Variants in EXD2 observed in about 807,000 individuals in gnomAD.
EXD2 encodes the protein exonuclease 3'-5' domain containing 2.
EXD2 carries 40 observed loss-of-function variants against 62.5 expected under a neutral mutation model. The ratio of observed to expected loss-of-function variants is 0.64; its 90% CI spans 0.50 to 0.83. The LOEUF (loss-of-function observed/expected upper bound fraction) is 0.83. EXD2 is among the 40% of genes least tolerant of loss of function. The pLI is 0.00. For missense variants in EXD2, 671 were observed against 761.8 expected, an observed-to-expected ratio of 0.88 and a Z score of 1.40; for synonymous variants, 239 against 291.9, an observed-to-expected ratio of 0.82 and a Z score of 1.85.
chr14:69,200,568 G>A (rs968610095), intron 1 of EXD2, among the ~76,000 whole-genome samples: 1 of 151,846 alleles, frequency 6.6e-6, no homozygotes, highest in Non-Finnish European at 1.5e-5. Context: ...AATTACCCAG[G>A]CATCGTGGGG....
intron 3 of EXD2, among the ~76,000 whole-genome samples, chr14:69,212,699 A>ATTTCCT (rs2042849667): frequency 1.7e-5 from 1 of 57,316 alleles, no homozygotes; most frequent in Non-Finnish European, 3.0e-5. Flanking sequence ...ATGGTTCTTG[A>ATTTCCT]TTTTTTTTTT....
chr14:69,225,744 A>C (rs894316708), intron 3 of EXD2, among the ~76,000 whole-genome samples: 12 of 152,200 alleles, frequency 7.9e-5, no homozygotes, highest in African/African-American at 2.9e-4. Flanking sequence ...AAAAGACATT[A>C]GAAAGCAAAA....
Position 69,241,922 on chromosome 14 carries a change from CCTTT to C in EXD2, c.*825_*828del, listed in dbSNP as rs1264240247. The C allele has an allele frequency of 8.8e-5, 35 of 398,954 alleles. No individual in the cohort carries two copies. The South Asian group carries it at 3.6e-3, about 41-fold the overall frequency. 24.7% of individuals were successfully genotyped at this position (398,954 alleles called of 1,614,324 possible). ...GAACTGCAAGATTTTTAGCTTCACCCCTTTCTGAGAGTAATGTTATCTTTTATCA... is the reference window on the plus strand; with the variant it reads ...GAACTGCAAGATTTTTAGCTTCACCCCTGAGAGTAATGTTATCTTTTATCA... On this transcript the variant is annotated 3_prime_UTR_variant, in exon 10 of 10. Transcript: ENST00000685843.
chr14:69,217,762 T>TC (rs1476637353), intron 3 of EXD2, among the ~76,000 whole-genome samples: 1 of 152,166 alleles, frequency 6.6e-6, no homozygotes, highest in Non-Finnish European at 1.5e-5. Context: ...ATTGTTCAAT[T>TC]CCCACCTATG....
intron 8 of EXD2, 32 bp from the exon 9 acceptor site, chr14:69,237,543 T>C (rs201704505): frequency 6.9e-6 from 11 of 1,602,392 alleles, no homozygotes; most frequent in African/African-American, 4.0e-5. Flanking sequence ...CATACACTTA[T>C]GAGCGCTGCT....
At chr14:69,233,651 C>T (rs1594778852) in intron 5 of EXD2, among the ~76,000 whole-genome samples, 4 of 151,666 alleles carry the variant, frequency 2.6e-5, no homozygotes, top group Admixed American at 2.0e-4. Context: ...ATGTTGGCTG[C>T]GCTGGTCTCA....
intron 2 of EXD2, chr14:69,208,891 C>G (rs73280900): frequency 6.6e-6 from 1 of 152,208 alleles, no homozygotes; most frequent in Non-Finnish European, 1.5e-5. Flanking sequence ...AACCTGTTTC[C>G]TCCACTCCCT....
chr14:69,238,028 C>T, intron 9 of EXD2, 97 bp downstream of exon 9: 1 of 1,065,216 alleles, frequency 9.4e-7, no homozygotes, highest in Non-Finnish European at 1.4e-6. Context: ...TGCTTAGGCA[C>T]AGTGCCTAGC....
chr14:69,199,168 TG>T (rs2042306199), intron 1 of EXD2, among the ~76,000 whole-genome samples: 2 of 152,162 alleles, frequency 1.3e-5, no homozygotes, highest in South Asian at 4.1e-4. Flanking sequence ...CGCTTGAACT[TG>T]GGAGGCAGAG....
intron 5 of EXD2, among the ~76,000 whole-genome samples, chr14:69,233,987 G>A (rs747259570): frequency 5.5e-4 from 83 of 151,966 alleles, no homozygotes; most frequent in Non-Finnish European, 9.6e-4. Flanking sequence ...GGCTGGTTTC[G>A]AACTCCTGAC....
At chr14:69,214,570 T>C (rs2042929746) in intron 3 of EXD2, among the ~76,000 whole-genome samples, 1 of 152,090 alleles carries the variant, frequency 6.6e-6, no homozygotes, top group South Asian at 2.1e-4. Context: ...ACTGAATGAT[T>C]TATGTAAAGA....
Position 69,212,699 on chromosome 14 carries a change from ATTTTTTT to A in EXD2, c.333+2916_333+2922del, listed in dbSNP as rs71102635. 1.0e-4 allele frequency among the ~76,000 whole-genome samples: 6 copies of A among 57,322 alleles called. No individual in the cohort carries two copies. In the South Asian group the frequency reaches 3.5e-3, roughly 33 times the overall value. The allele number at this position is 57,322 out of a possible 152,430, so 37.6% of individuals were successfully genotyped here. A position where few individuals can be genotyped will look rare whatever the true frequency, so the allele number is the denominator to read the frequency against. The stretch of plus-strand genomic sequence containing the variant: ...TGTCACTTGGTTCCAATGGTTCTTG[ATTTTTTT>A]TTTTTTTTTTTTTTTTTTTGAGACA... On this transcript the variant is annotated intron_variant, in intron 3 of 9. Coordinates refer to ENST00000685843, the MANE Select transcript of EXD2 (RefSeq NM_001193360.2).
rs746653694 is a variant in EXD2, at chr14:69,213,537, A to ATTTTTTTTT, written c.333+3746_333+3754dup. On this transcript the variant is annotated intron_variant, in intron 3 of 9. Coordinates refer to ENST00000685843, the MANE Select transcript of EXD2 (RefSeq NM_001193360.2). ...AGGCATGTGCCACTGCACCTGGATA[A>ATTTTTTTTT]TTTTTTTTTTTTTTTTTTTTGTAGA... Among the ~76,000 whole-genome samples the ATTTTTTTTT allele has an allele frequency of 2.0e-3, 156 of 76,470 alleles. 7 individuals are homozygous for ATTTTTTTTT. The highest frequency in any genetic ancestry group is 8.2e-3 in the East Asian group (15 of 1,822). The allele number at this position is 76,470 out of a possible 152,430, so 50.2% of individuals were successfully genotyped here.
intron 2 of EXD2, among the ~76,000 whole-genome samples, chr14:69,208,596 T>C (rs2042697550): frequency 6.6e-6 from 1 of 152,166 alleles, no homozygotes; most frequent in Non-Finnish European, 1.5e-5. Flanking sequence ...TTCTCACATA[T>C]AGGAAAACAG....
chr14:69,220,054 TAATC>T (rs2043116620), intron 3 of EXD2, among the ~76,000 whole-genome samples: 1 of 152,078 alleles, frequency 6.6e-6, no homozygotes, highest in Admixed American at 6.6e-5. Context: ...TTGGTGAATT[TAATC>T]AAATGTTTTC....
intron 3 of EXD2, among the ~76,000 whole-genome samples, chr14:69,225,061 T>C (rs2043312210): frequency 6.6e-6 from 1 of 152,236 alleles, no homozygotes; most frequent in Non-Finnish European, 1.5e-5. Flanking sequence ...ATCTCTGATT[T>C]TGTCTCCTCC....
intron 1 of EXD2, among the ~76,000 whole-genome samples, chr14:69,201,971 C>T (rs983401793): frequency 3.9e-5 from 6 of 151,908 alleles, no homozygotes; most frequent in Middle Eastern, 3.2e-3. Flanking sequence ...TGTGAGCCAC[C>T]GCACTCAGCC....
At chr14:69,200,083 A>T (rs901262384) in intron 1 of EXD2, among the ~76,000 whole-genome samples, 2 of 152,118 alleles carry the variant, frequency 1.3e-5, no homozygotes, top group African/African-American at 4.8e-5. Context: ...GGCAATAGGA[A>T]TTTTTCTGCA....
chr14:69,193,709 G>T (rs2042107946), intron 1 of EXD2, among the ~76,000 whole-genome samples: 1 of 151,864 alleles, frequency 6.6e-6, no homozygotes, highest in Non-Finnish European at 1.5e-5. Context: ...TAAAATTTTA[G>T]GTTTTAATTT....
Sources: gnomAD v4.1 joint callset for allele counts (sites outside exome capture counted in the v4.1 genomes callset) on GRCh38, gnomAD v4.1.1 for gene constraint, MANE v1.5 for transcripts, NCBI Gene and HGNC (gene_info 2026-07-23, HGNC 2026-07-21) for gene names.